The following FAM135B variants were observed in gnomAD, a reference collection of about 807,000 sequenced individuals.
The protein encoded by FAM135B is family with sequence similarity 135 member B, also known as protein FAM135B.
Under a neutral mutation model 127.7 loss-of-function variants are expected in FAM135B, and 43 were observed. The observed-to-expected ratio is 0.34, with a 90% CI of 0.26 to 0.43. FAM135B has a LOEUF of 0.43. FAM135B is among the 20% of genes least tolerant of loss of function. The pLI is 1.00. For synonymous variants in FAM135B, 670 were observed against 665.1 expected (o/e 1.01, Z -0.11); for missense variants, 1,558 against 1,725.6 (o/e 0.90, Z 1.72).
Position 138,132,835 on chromosome 8 carries a change from G to C in FAM135B, c.4016-37C>G, listed in dbSNP as rs758178557. The stretch of plus-strand genomic sequence containing the variant: ...GGAAGAAGGACATGAAGCTGGTGCA[G>C]AAATTAGCAGTGGAATCTAGAGAAC... On this transcript the variant is annotated intron_variant, in intron 19 of 19. Transcript: ENST00000395297. This position sits in a 1 kb window ranked among gnomAD's most constrained non-coding sequence, Gnocchi z 4.5. The C allele has an allele frequency of 5.7e-6, 9 of 1,583,820 alleles. No individual in the cohort carries two copies. The highest frequency in any genetic ancestry group is 5.5e-5 in the South Asian group (5 of 90,294).
intron 5 of FAM135B, among the ~76,000 whole-genome samples, chr8:138,255,899 T>G (rs1165288361): frequency 1.3e-5 from 2 of 152,150 alleles, no homozygotes; most frequent in Non-Finnish European, 2.9e-5. Flanking sequence ...CTGCAAAGCC[T>G]GCAAACTGCA....
intron 2 of FAM135B, among the ~76,000 whole-genome samples, chr8:138,323,612 A>G (rs760556790): frequency 6.6e-5 from 10 of 152,184 alleles, no homozygotes; most frequent in Non-Finnish European, 1.3e-4. Context: ...TGTGCTGTCT[A>G]CTTCTGTGTT....
chr8:138,165,721 T>C (rs1819851168), intron 12 of FAM135B, among the ~76,000 whole-genome samples: 1 of 152,198 alleles, frequency 6.6e-6, no homozygotes, highest in Non-Finnish European at 1.5e-5. Flanking sequence ...TACATATATA[T>C]GCAAACACAC....
chr8:138,475,799 ATTGG>A (rs1274757437), intron 1 of FAM135B, among the ~76,000 whole-genome samples: 3 of 152,194 alleles, frequency 2.0e-5, no homozygotes, highest in Non-Finnish European at 2.9e-5. Flanking sequence ...GTGGTACATA[ATTGG>A]TTGTTTCTTA....
In FAM135B at chr8:138,243,223, G is replaced by A. The variant is rs1386345188; in HGVS notation, c.543-155C>T. Among the ~76,000 whole-genome samples the A allele has an allele frequency of 1.3e-5, 2 of 152,132 alleles. No individual in the cohort carries two copies. The highest frequency in any genetic ancestry group is 2.9e-5 in the Non-Finnish European group (2 of 68,028). On this transcript the variant is annotated intron_variant, in intron 6 of 19. Coordinates refer to ENST00000395297, the MANE Select transcript of FAM135B (RefSeq NM_015912.4). The surrounding 1 kb of genome is among the most constrained non-coding windows in gnomAD (Gnocchi z 7.5). ...GGGAGTGTTTGCATGTGACATTTGT[G>A]GATATTTTGATGATAAAGAGGGTAC...
chr8:138,339,233 C>T (rs905593874), intron 2 of FAM135B, among the ~76,000 whole-genome samples: 3 of 151,762 alleles, frequency 2.0e-5, no homozygotes, highest in Admixed American at 6.6e-5. Flanking sequence ...ACGTTGTGCA[C>T]GTGTACCCTA....
chr8:138,287,567 G>A (rs912557564), intron 3 of FAM135B, among the ~76,000 whole-genome samples: 12 of 151,568 alleles, frequency 7.9e-5, no homozygotes, highest in Non-Finnish European at 1.5e-5. Flanking sequence ...GACAGAAATG[G>A]TTACAGAATC....
chr8:138,403,968 A>C (rs940895260), intron 1 of FAM135B, among the ~76,000 whole-genome samples: 4 of 152,212 alleles, frequency 2.6e-5, no homozygotes, highest in Non-Finnish European at 5.9e-5. Flanking sequence ...ATAGGGAAGT[A>C]CTTGCACAAC....
At chr8:138,180,385 A>G (rs1814897725) in intron 9 of FAM135B, among the ~76,000 whole-genome samples, 1 of 152,226 alleles carries the variant, frequency 6.6e-6, no homozygotes, top group South Asian at 2.1e-4. Context: ...GCTTTCTACT[A>G]TGCACAATAG....
intron 3 of FAM135B, among the ~76,000 whole-genome samples, chr8:138,294,458 A>G (rs1402406897): frequency 6.6e-6 from 1 of 152,188 alleles, no homozygotes; most frequent in Admixed American, 6.5e-5. Context: ...TTTTATGTCA[A>G]TTATACCTCA....
intron 2 of FAM135B, among the ~76,000 whole-genome samples, chr8:138,315,776 C>A (rs1457089109): frequency 1.3e-5 from 2 of 151,986 alleles, no homozygotes; most frequent in African/African-American, 4.8e-5. Flanking sequence ...AATACATGAT[C>A]TCACTTACAT....
intron 1 of FAM135B, among the ~76,000 whole-genome samples, chr8:138,484,638 G>A (rs928080272): frequency 2.6e-5 from 4 of 151,966 alleles, no homozygotes; most frequent in Admixed American, 1.3e-4. Context: ...TTCCTCTCAC[G>A]CACACCACTT....
chr8:138,357,474 T>C (rs919253391), intron 2 of FAM135B, among the ~76,000 whole-genome samples: 1 of 152,156 alleles, frequency 6.6e-6, no homozygotes, highest in African/African-American at 2.4e-5. Flanking sequence ...GAATATAAAA[T>C]AGTTTGTGCC....
chr8:138,286,389 G>A (rs1824689208), intron 3 of FAM135B, among the ~76,000 whole-genome samples: 1 of 152,230 alleles, frequency 6.6e-6, no homozygotes, highest in Non-Finnish European at 1.5e-5. Context: ...ATATGCAGAT[G>A]TTTGGAGAGA....
intron 1 of FAM135B, among the ~76,000 whole-genome samples, chr8:138,380,803 A>G (rs1172420803): frequency 7.0e-6 from 1 of 143,618 alleles, no homozygotes; most frequent in African/African-American, 2.5e-5. Flanking sequence ...TATAAGATCT[A>G]AAGTTCTGAG....
At chr8:138,431,233 C>T (rs1274045402) in intron 1 of FAM135B, among the ~76,000 whole-genome samples, 1 of 152,204 alleles carries the variant, frequency 6.6e-6, no homozygotes, top group Non-Finnish European at 1.5e-5. Context: ...TGAAACTTCT[C>T]TTATGTGCTA....
At chr8:138,457,918 A>C (rs1587501420) in intron 1 of FAM135B, among the ~76,000 whole-genome samples, 3 of 151,168 alleles carry the variant, frequency 2.0e-5, no homozygotes, top group Non-Finnish European at 4.4e-5. Flanking sequence ...CAAAGCTTGC[A>C]GTGAACTGAG....
rs545126894 is a variant in FAM135B at position 138,353,687 on chromosome 8, A to C, written c.77+14220T>G. Among the ~76,000 whole-genome samples, 22 of 152,304 alleles carry C rather than the reference A, an allele frequency of 1.4e-4. No homozygotes were observed. In the South Asian group the frequency reaches 4.1e-3, roughly 29 times the overall value. On this transcript the variant is annotated intron_variant, in intron 2 of 19. Coordinates refer to ENST00000395297, the MANE Select transcript of FAM135B (RefSeq NM_015912.4). ...GCCAAGTGACCTTGGGCTTCAGTGT[A>C]CTTATCTGTGAAATAATACCTATCT...
At position 138,357,923 on chromosome 8, in the gene FAM135B, G is replaced by A. The variant is rs191217058; in HGVS notation, c.77+9984C>T. Among the ~76,000 whole-genome samples, 201 of 152,176 alleles carry A rather than the reference G, an allele frequency of 1.3e-3. 3 individuals carry two copies. Among genetic ancestry groups the A allele is most frequent in the African/African-American group, 4.1e-3 (172 of 41,522 alleles). The stretch of plus-strand genomic sequence containing the variant: ...GCCGATAGGAATAAACATGGTGTCC[G>A]TTAGTATATTAACCCATTTTCATAC... On this transcript the variant is annotated intron_variant, in intron 2 of 19. Coordinates refer to ENST00000395297, the MANE Select transcript of FAM135B (RefSeq NM_015912.4).
Sources: allele counts gnomAD v4.1 joint callset (sites outside exome capture counted in the v4.1 genomes callset), GRCh38; gene constraint gnomAD v4.1.1; non-coding constraint Gnocchi (gnomAD v3.1); transcripts MANE v1.5; gene names NCBI Gene and HGNC (gene_info 2026-07-23, HGNC 2026-07-21).